The following GNAI1 variants were observed in gnomAD, a reference collection of about 807,000 sequenced individuals.
GNAI1 encodes the protein G protein subunit alpha i1.
GNAI1 carries 11 observed loss-of-function variants against 38.9 expected under a neutral mutation model. That is an observed-to-expected ratio of 0.28 (90% CI 0.18 to 0.47). The LOEUF (loss-of-function observed/expected upper bound fraction) is 0.47, where lower values mean the gene tolerates loss of function less well. Ranked by LOEUF, GNAI1 falls within the 20% of genes least tolerant of loss-of-function variation. The pLI is 0.99. For synonymous variants in GNAI1, 166 were observed against 145.1 expected, an observed-to-expected ratio of 1.14 and a Z score of -1.04; for missense variants, 317 against 436.9, an observed-to-expected ratio of 0.73 and a Z score of 2.45.
At chr7:80,166,814 C>T (rs547666184) in intron 1 of GNAI1, among the ~76,000 whole-genome samples, 35 of 152,130 alleles carry the variant, frequency 2.3e-4, no homozygotes, top group African/African-American at 8.4e-4. Context: ...ATGTGTATAC[C>T]TGTGGTTCTT....
Position 80,223,397 on chromosome 7 carries a change from C to T in GNAI1, c.*5904C>T, listed in dbSNP as rs934623318. 6.6e-6 allele frequency among the ~76,000 whole-genome samples: 1 copy of T among 152,148 alleles called. No individual in the cohort carries two copies. The highest frequency in any genetic ancestry group is 1.5e-5 in the Non-Finnish European group (1 of 68,018). On this transcript the variant is annotated 3_prime_UTR_variant, in exon 8 of 8. Transcript: ENST00000649796. ...ACAATTTCAGTGTAAAGCTAGTCTT[C>T]AAAATAAACCACTGTGAAGATTGGA...
At chr7:80,185,865 ACT>A (rs1178039360) in intron 1 of GNAI1, among the ~76,000 whole-genome samples, 1 of 151,922 alleles carries the variant, frequency 6.6e-6, no homozygotes, top group Non-Finnish European at 1.5e-5. Context: ...CTCTTAGGAG[ACT>A]CTGTATGGAA....
rs115548663 is a variant in GNAI1, at chr7:80,194,572, G to A, written c.304-4653G>A. Among the ~76,000 whole-genome samples the A allele has an allele frequency of 3.6e-3, 552 of 152,262 alleles. 4 individuals are homozygous for A. Among genetic ancestry groups the A allele is most frequent in the African/African-American group, 0.012 (512 of 41,570 alleles). ...TTAAAGCAAGGGGAATTTTGAGGGA[G>A]TGAATTTTAACATTTGTTTCTGTGT... On this transcript the variant is annotated intron_variant, in intron 3 of 7. Transcript: ENST00000649796.
rs1405157077 is a variant in GNAI1, at chr7:80,220,210, C to G, written c.*2717C>G. Among the ~76,000 whole-genome samples the G allele has an allele frequency of 1.4e-5, 2 of 147,460 alleles. No homozygotes were observed. Among genetic ancestry groups the G allele is most frequent in the Non-Finnish European group, 3.0e-5 (2 of 67,428 alleles). ...ATCCAAATAGTGTCCTGTGCATAAC[C>G]TGGGCTTTCCTCCAAGTACTGTATT... On this transcript the variant is annotated 3_prime_UTR_variant, in exon 8 of 8. Transcript: ENST00000649796.
intron 1 of GNAI1, among the ~76,000 whole-genome samples, chr7:80,178,474 A>G (rs1337006152): frequency 3.9e-5 from 6 of 152,160 alleles, no homozygotes. Flanking sequence ...GTATTTTAAG[A>G]AATTGCCACA....
chr7:80,153,477 A>G (rs1365485865), intron 1 of GNAI1, among the ~76,000 whole-genome samples: 1 of 152,164 alleles, frequency 6.6e-6, no homozygotes, highest in African/African-American at 2.4e-5. Flanking sequence ...TGTCAGAGGT[A>G]TTTTTTCTCT....
intron 6 of GNAI1, 118 bp downstream of exon 6, chr7:80,211,216 C>A: frequency 1.2e-6 from 1 of 809,748 alleles, no homozygotes; most frequent in Non-Finnish European, 1.9e-6. Context: ...TCTAACTTTT[C>A]TATTTGATAA....
intron 7 of GNAI1, 47 bp from the exon 8 acceptor site, chr7:80,217,256 T>G: frequency 1.8e-6 from 1 of 559,736 alleles, no homozygotes; most frequent in Non-Finnish European, 2.5e-6. Context: ...TTTTAAGCAG[T>G]TATTTTAACT....
intron 1 of GNAI1, among the ~76,000 whole-genome samples, chr7:80,150,847 A>T (rs1022265745): frequency 2.0e-5 from 3 of 152,100 alleles, no homozygotes; most frequent in Non-Finnish European, 4.4e-5. Context: ...TTGTCCATCC[A>T]TCATCCGCCG....
chr7:80,203,933 A>G, intron 5 of GNAI1, 101 bp downstream of exon 5: 2 of 699,028 alleles, frequency 2.9e-6, no homozygotes, highest in Non-Finnish European at 4.3e-6. Flanking sequence ...TACAGTTGGA[A>G]ATTACAGTTG....
intron 1 of GNAI1, among the ~76,000 whole-genome samples, chr7:80,179,389 A>G (rs1182011627): frequency 6.6e-6 from 1 of 152,214 alleles, no homozygotes; most frequent in Non-Finnish European, 1.5e-5. Flanking sequence ...CCAAATCCTC[A>G]GGTCATGCAG....
chr7:80,198,197 T>C (rs892082035), intron 3 of GNAI1, among the ~76,000 whole-genome samples: 5 of 151,990 alleles, frequency 3.3e-5, no homozygotes, highest in Non-Finnish European at 7.4e-5. Context: ...TGAATTGAAA[T>C]GGGCTGTATG....
At chr7:80,144,944 T>C (rs1364359733) in intron 1 of GNAI1, among the ~76,000 whole-genome samples, 1 of 152,210 alleles carries the variant, frequency 6.6e-6, no homozygotes, top group African/African-American at 2.4e-5. Flanking sequence ...TAAAAAGTAA[T>C]GGTGGTCAGT....
chr7:80,183,274 T>G (rs1166188371), intron 1 of GNAI1, among the ~76,000 whole-genome samples: 1 of 152,230 alleles, frequency 6.6e-6, no homozygotes, highest in Non-Finnish European at 1.5e-5. Flanking sequence ...TAATTTATAT[T>G]TGCCCTTGCA....
At chr7:80,187,788 C>T (rs555045022) in intron 1 of GNAI1, among the ~76,000 whole-genome samples, 58 of 152,284 alleles carry the variant, frequency 3.8e-4, no homozygotes, top group African/African-American at 1.4e-3. Flanking sequence ...TCTTCCATGT[C>T]TTGTGTCCTT....
Position 80,217,312 on chromosome 7 carries a change from C to T in GNAI1, c.884C>T (p.Thr295Ile), listed in dbSNP as rs1788990033. ...ICYPEYAGSN[T>I]YEEAAAYIQC... ...CCTTTTTCCATCTCAGGATCAAACA[C>T]ATATGAAGAGGCAGCTGCATATATT... Residue 295 changes from threonine (T) to isoleucine (I), a missense_variant, in exon 8 of 8, where the codon ACA becomes ATA. By Grantham distance (89) the Thr-to-Ile change is moderately conservative. Around this residue, in one of 5 missense-constraint regions of GNAI1, gnomAD observed 158 missense variants for 234.7 expected, o/e 0.67. Coordinates refer to ENST00000649796, the MANE Select transcript of GNAI1 (RefSeq NM_002069.6). 6.4e-7 allele frequency: 1 copy of T among 1,570,166 alleles called. No homozygotes were observed. Among genetic ancestry groups the T allele is most frequent in the African/African-American group, 1.4e-5 (1 of 72,710 alleles).
rs1004849170 is a variant in GNAI1 at position 80,135,757 on chromosome 7, A to T, written c.118+479A>T. ...ATGCCCAGAGTGCCACGTTTGGTGA[A>T]ATCAGTGCACCTTTTGTGGGGCCTC... On this transcript the variant is annotated intron_variant, in intron 1 of 7. Transcript: ENST00000649796. 1.1e-4 allele frequency: 109 copies of T among 976,176 alleles called. No individual in the cohort carries two copies. The Admixed American group carries it at 1.1e-3, about 10-fold the overall frequency. 60.5% of individuals were successfully genotyped at this position (976,176 alleles called of 1,614,324 possible).
chr7:80,141,301 C>CA (rs1438562084), intron 1 of GNAI1, among the ~76,000 whole-genome samples: 1 of 152,184 alleles, frequency 6.6e-6, no homozygotes, highest in African/African-American at 2.4e-5. Context: ...CAACTGACTG[C>CA]AAAATCTCAA....
chr7:80,152,558 C>CTTTTT lies in GNAI1; in HGVS notation c.118+17298_118+17302dup, dbSNP rs35141470. On this transcript the variant is annotated intron_variant, in intron 1 of 7. Coordinates refer to ENST00000649796, the MANE Select transcript of GNAI1 (RefSeq NM_002069.6). ...TCTGGGGGTAGATTCGGTCTCAATTCTTTTTTTTTTTTTTTTTTTTTTGAA... is the reference window on the plus strand; with the variant it reads ...TCTGGGGGTAGATTCGGTCTCAATTCTTTTTTTTTTTTTTTTTTTTTTTTTTTGAA... 3.6e-3 allele frequency among the ~76,000 whole-genome samples: 368 copies of CTTTTT among 102,994 alleles called. 4 individuals are homozygous for CTTTTT. Among genetic ancestry groups the CTTTTT allele is most frequent in the Non-Finnish European group, 6.2e-3 (315 of 51,046 alleles). The allele number at this position is 102,994 out of a possible 152,430, so 67.6% of individuals were successfully genotyped here.
Sources: allele counts gnomAD v4.1 joint callset (sites outside exome capture counted in the v4.1 genomes callset), GRCh38; gene constraint gnomAD v4.1.1; regional missense constraint gnomAD v4.1.1; transcripts MANE v1.5; gene names NCBI Gene and HGNC (gene_info 2026-07-23, HGNC 2026-07-21).